Variants in LRP6 observed in about 807,000 individuals in gnomAD.
The protein encoded by LRP6 is low-density lipoprotein receptor-related protein 6.
LRP6 carries 43 observed loss-of-function variants against 184.1 expected under a neutral mutation model. That is an observed-to-expected ratio of 0.23 (90% CI 0.18 to 0.30). The LOEUF is 0.30. Among genes scored for constraint, LRP6 ranks in the 10% least tolerant of loss-of-function variants. The probability of loss-of-function intolerance (pLI) is 1.00; values close to 1 mark genes in which losing one functional copy is unlikely to be tolerated. For missense variants in LRP6, 1,571 were observed against 2,005.3 expected (o/e 0.78, Z 4.14); for synonymous variants, 719 against 684.9 (o/e 1.05, Z -0.78).
Position 12,266,997 on chromosome 12 carries a change from G to C in LRP6, c.-262C>G. On this transcript the variant is annotated 5_prime_UTR_variant, in exon 1 of 23. Coordinates refer to ENST00000261349, the MANE Select transcript of LRP6 (RefSeq NM_002336.3). ...CCTCCCCCGGCGCCCCGCTTCCCCC[G>C]CGCAGCTCCTCATTCAGCCTCTGCC... 2 of 524,532 alleles carry C rather than the reference G, an allele frequency of 3.8e-6. No individual in the cohort carries two copies. Among genetic ancestry groups the C allele is most frequent in the East Asian group, 3.5e-5 (1 of 28,798 alleles). 32.5% of individuals were successfully genotyped at this position (524,532 alleles called of 1,614,324 possible). A position where few individuals can be genotyped will look rare whatever the true frequency, so the allele number is the denominator to read the frequency against.
chr12:12,196,456 G>T (rs913771790), intron 3 of LRP6, among the ~76,000 whole-genome samples: 1 of 151,818 alleles, frequency 6.6e-6, no homozygotes, highest in Non-Finnish European at 1.5e-5. Context: ...ATTTCTTATA[G>T]CTATTGTAAA....
rs1402962004 is a variant in LRP6, at chr12:12,118,000, TG to T, written c.*3125del. ...TTCATTTCTAAGTACCTATCATCTC[TG>T]TAGAATAGGTGTTCTCAAACTTACT... On this transcript the variant is annotated 3_prime_UTR_variant, in exon 23 of 23. Transcript: ENST00000261349. 1 of 152,224 alleles carries T rather than the reference TG, an allele frequency of 6.6e-6. No homozygotes were observed. Among genetic ancestry groups the T allele is most frequent in the Non-Finnish European group, 1.5e-5 (1 of 68,028 alleles). 9.4% of individuals were successfully genotyped at this position (152,224 alleles called of 1,614,324 possible).
In LRP6 at chr12:12,266,669, C is replaced by T; in HGVS notation, c.55+12G>A. The T allele has an allele frequency of 6.2e-7, 1 of 1,612,650 alleles. No homozygotes were observed. The highest frequency in any genetic ancestry group is 8.5e-7 in the Non-Finnish European group (1 of 1,179,328). ...AACCCCACCAACTTTCCAGTGCCCC[C>T]ACTCTTCCCACCTCTCAGGAGCACA... is the stretch of plus-strand genomic sequence containing the variant. On this transcript the variant is annotated intron_variant, in intron 1 of 22. Coordinates refer to ENST00000261349, the MANE Select transcript of LRP6 (RefSeq NM_002336.3).
intron 1 of LRP6, among the ~76,000 whole-genome samples, chr12:12,266,128 T>C (rs997053079): frequency 2.6e-5 from 4 of 152,126 alleles, no homozygotes; most frequent in Non-Finnish European, 5.9e-5. Context: ...CCGGAGTCAC[T>C]TTCCAACTGC....
chr12:12,262,156 A>G (rs1865631717), intron 1 of LRP6, among the ~76,000 whole-genome samples: 1 of 152,150 alleles, frequency 6.6e-6, no homozygotes, highest in Non-Finnish European at 1.5e-5. Flanking sequence ...AGGCAGGTGG[A>G]TAACTTGAGG....
At chr12:12,177,882 G>A (rs1397929177) in intron 7 of LRP6, among the ~76,000 whole-genome samples, 19 of 151,638 alleles carry the variant, frequency 1.3e-4, no homozygotes, top group Admixed American at 1.2e-3. Flanking sequence ...TTAAAAGAAC[G>A]AATGAATGAA....
chr12:12,145,735 G>A (rs1002830239), intron 15 of LRP6, among the ~76,000 whole-genome samples: 3 of 149,078 alleles, frequency 2.0e-5, no homozygotes, highest in South Asian at 2.1e-4. Flanking sequence ...ATGTTCAAGC[G>A]ATTCTCCTGC....
chr12:12,180,056 C>A, intron 6 of LRP6, 75 bp from the exon 7 acceptor site: 2 of 1,236,266 alleles, frequency 1.6e-6, no homozygotes, highest in Non-Finnish European at 2.3e-6. Context: ...AGGTGAGATC[C>A]ATCCCTCCTA....
At chr12:12,146,494 A>G (rs1015968964) in intron 15 of LRP6, among the ~76,000 whole-genome samples, 7 of 152,250 alleles carry the variant, frequency 4.6e-5, no homozygotes, top group African/African-American at 9.6e-5. Context: ...AGAGGAGGTA[A>G]TTATAATTAC....
chr12:12,168,946 C>G (rs916539555), intron 7 of LRP6, among the ~76,000 whole-genome samples: 5 of 152,002 alleles, frequency 3.3e-5, no homozygotes, highest in Non-Finnish European at 5.9e-5. Context: ...CAATAAAACA[C>G]GGCCAGGCGC....
At position 12,130,409 on chromosome 12, in the gene LRP6, C is replaced by A. The variant is rs184826679; in HGVS notation, c.4081+374G>T. Among the ~76,000 whole-genome samples the A allele has an allele frequency of 1.5e-3, 222 of 152,284 alleles. 1 individual carries two copies. The highest frequency in any genetic ancestry group is 5.1e-3 in the African/African-American group (211 of 41,560). On this transcript the variant is annotated intron_variant, in intron 19 of 22. Transcript: ENST00000261349. ...CCATGTTGGCCAGGCTGGTCTCGAA[C>A]TCCTGACCTCAAGTGATCCGCCCAC...
intron 2 of LRP6, among the ~76,000 whole-genome samples, chr12:12,208,972 TTTCTC>T (rs1442022208): frequency 2.0e-5 from 3 of 152,220 alleles, no homozygotes; most frequent in Non-Finnish European, 4.4e-5. Context: ...CCTCCCATCT[TTTCTC>T]TATTAATGCA....
At chr12:12,139,909 A>G (rs1406308369) in intron 15 of LRP6, among the ~76,000 whole-genome samples, 1 of 152,218 alleles carries the variant, frequency 6.6e-6, no homozygotes, top group East Asian at 1.9e-4. Context: ...TGAAGCTAAC[A>G]ATGAAATTAA....
chr12:12,181,809 T>A (rs867286877), intron 5 of LRP6, among the ~76,000 whole-genome samples: 11 of 152,186 alleles, frequency 7.2e-5, no homozygotes, highest in African/African-American at 1.4e-4. Context: ...AAGCATTTTT[T>A]AAAAAAAGAT....
Position 12,121,185 on chromosome 12 carries a change from T to C in LRP6, c.4783A>G (p.Arg1595Gly). ...ESCPPSPYTERSYSHHLYPPP... is the reference protein window; with the variant it reads ...ESCPPSPYTEGSYSHHLYPPP... Reference sequence around the variant, plus strand: ...GGGTAGAGGTGATGAGAATAGCTCCTCTCTGTGTATGGAGAAGGTGGGCAG... The same window carrying C: ...GGGTAGAGGTGATGAGAATAGCTCCCCTCTGTGTATGGAGAAGGTGGGCAG... The change falls in exon 23 of 23, where the codon AGG becomes GGG. Residue 1595 changes from arginine to glycine, a missense_variant. By Grantham distance (125) the Arg-to-Gly change is moderately radical (BLOSUM62 -2). Transcript: ENST00000261349. The C allele has an allele frequency of 2.5e-6, 4 of 1,614,032 alleles. No homozygotes were observed. The highest frequency in any genetic ancestry group is 2.5e-6 in the Non-Finnish European group (3 of 1,180,006).
chr12:12,239,430 C>G (rs1865004897), intron 2 of LRP6, among the ~76,000 whole-genome samples: 2 of 152,162 alleles, frequency 1.3e-5, no homozygotes, highest in Non-Finnish European at 2.9e-5. Context: ...CAGTACAAAA[C>G]TCAATAAGCT....
Position 12,135,237 on chromosome 12 carries a change from C to A in LRP6, c.3671G>T (p.Gly1224Val). 1 of 1,613,850 alleles carries A rather than the reference C, an allele frequency of 6.2e-7. No individual in the cohort carries two copies. Among genetic ancestry groups the A allele is most frequent in the South Asian group, 1.1e-5 (1 of 91,074 alleles). The change falls in exon 17 of 23, where the codon GGT becomes GTT. Residue 1224 changes from glycine (G) to valine (V), a missense_variant. Coordinates refer to ENST00000261349, the MANE Select transcript of LRP6 (RefSeq NM_002336.3). ...CATGGGGCAAGAACACCTTGTAGTA[C>A]CATCCCCCTTTACAAGACAAATATG... ...CSHICLVKGD[G>V]TTRCSCPMHL...
intron 9 of LRP6, among the ~76,000 whole-genome samples, chr12:12,163,046 G>C (rs1862778562): frequency 6.6e-6 from 1 of 152,088 alleles, no homozygotes; most frequent in Non-Finnish European, 1.5e-5. Flanking sequence ...CATGATCTCG[G>C]CTCACTGCAA....
rs756892574 is a variant in LRP6 at position 12,164,493 on chromosome 12, C to T, written c.1832G>A (p.Arg611His). 3.1e-6 allele frequency: 5 copies of T among 1,613,988 alleles called. No homozygotes were observed. The African/African-American group carries it at 4.0e-5, about 13-fold the overall frequency. The part of the protein sequence containing the change: ...HLCLYRPQGL[R>H]CACPIGFELI... Reference sequence around the variant, plus strand: ...TTCAAAGCCAATAGGGCAAGCACAGCGAAGGCCCTGAGGTCTATAGAGGCA... The same window carrying T: ...TTCAAAGCCAATAGGGCAAGCACAGTGAAGGCCCTGAGGTCTATAGAGGCA... Residue 611 changes from arginine (R) to histidine (H), a missense_variant, in exon 9 of 23, where the codon CGC (arginine) becomes CAC (histidine). By Grantham distance (29) the Arg-to-His change is conservative. Around this residue, in one of 4 missense-constraint regions of LRP6, gnomAD observed 640 missense variants for 851.9 expected, o/e 0.75. Coordinates refer to ENST00000261349, the MANE Select transcript of LRP6 (RefSeq NM_002336.3).
Sources: allele counts gnomAD v4.1 joint callset (sites outside exome capture counted in the v4.1 genomes callset), GRCh38; gene constraint gnomAD v4.1.1; regional missense constraint gnomAD v4.1.1; transcripts MANE v1.5; gene names NCBI Gene and HGNC (gene_info 2026-07-23, HGNC 2026-07-21).